The following USP28 variants were observed in gnomAD, a reference collection of about 807,000 sequenced individuals.
USP28 encodes ubiquitin carboxyl-terminal hydrolase 28.
Under a neutral mutation model 145.0 loss-of-function variants are expected in USP28, and 113 were observed. That is an observed-to-expected ratio of 0.78 (90% confidence interval 0.67 to 0.91). The LOEUF is 0.91. USP28 is among the 40% of genes least tolerant of loss of function. The probability of loss-of-function intolerance (pLI) is 0.00; values close to 1 mark genes in which losing one functional copy is unlikely to be tolerated. For synonymous variants in USP28, 447 were observed against 450.9 expected, an observed-to-expected ratio of 0.99 and a Z score of 0.11; for missense variants, 1,201 against 1,289.6, an observed-to-expected ratio of 0.93 and a Z score of 1.05.
At chr11:113,864,764 G>A (rs1164879073) in intron 1 of USP28, among the ~76,000 whole-genome samples, 2 of 152,110 alleles carry the variant, frequency 1.3e-5, no homozygotes, top group South Asian at 2.1e-4. Context: ...CCAGAATCAC[G>A]CTCACAGACA....
intron 3 of USP28, among the ~76,000 whole-genome samples, chr11:113,842,598 A>G (rs1276260552): frequency 6.6e-6 from 1 of 151,976 alleles, no homozygotes. Flanking sequence ...AAAAAAAAAA[A>G]AGACCAAGTT....
At chr11:113,808,172 A>C in intron 18 of USP28, 36 bp from the exon 19 acceptor site, 1 of 1,524,208 alleles carries the variant, frequency 6.6e-7, no homozygotes, top group South Asian at 1.3e-5. Flanking sequence ...AGTAAGAAAA[A>C]ACAGGAGAAA....
In USP28 at chr11:113,824,690, G is replaced by A. The variant is rs527613796; in HGVS notation, c.1188-990C>T. Among the ~76,000 whole-genome samples, 8 of 151,798 alleles carry A rather than the reference G, an allele frequency of 5.3e-5. No individual in the cohort carries two copies. The East Asian group carries it at 1.6e-3, about 30-fold the overall frequency. ...TCACGCCTGTAATCCCAACACTTTG[G>A]GAGGCCGAGGCAGGCGGATTACCTG... On this transcript the variant is annotated intron_variant, in intron 11 of 24. Coordinates refer to ENST00000003302, the Ensembl canonical transcript of USP28.
chr11:113,829,320 G>A (rs555430861), exon 10 of USP28: 2 of 1,614,082 alleles, frequency 1.2e-6, no homozygotes, highest in East Asian at 2.2e-5. Context: ...ACTGGCCGAA[G>A]GTCTCATTGT....
intron 10 of USP28, chr11:113,828,883 T>A (rs774689575): frequency 3.4e-5 from 18 of 533,018 alleles, no homozygotes; most frequent in Non-Finnish European, 5.8e-5. Flanking sequence ...TCCGAAAATA[T>A]GGAGGCAGTG....
At chr11:113,827,795 C>T (rs1161977221) in intron 10 of USP28, among the ~76,000 whole-genome samples, 3 of 152,170 alleles carry the variant, frequency 2.0e-5, no homozygotes, top group Non-Finnish European at 2.9e-5. Flanking sequence ...CATGTGCCAG[C>T]TAAAAAGACT....
rs534046580 is a variant in USP28, at chr11:113,815,061, G to T, written c.1672+113C>A. The T allele has an allele frequency of 1.4e-5, 13 of 940,378 alleles. No homozygotes were observed. In the East Asian group the frequency reaches 3.4e-4, roughly 25 times the overall value. The allele number at this position is 940,378 out of a possible 1,614,324, so 58.3% of individuals were successfully genotyped here. ...AGTGAGACTCCATCTCGGCGGGGGG[G>T]AAATTCTGTAGCATGTACAGTAATG... is the stretch of plus-strand genomic sequence containing the variant. On this transcript the variant is annotated intron_variant, in intron 14 of 24. Transcript: ENST00000003302.
chr11:113,807,748 T>C (rs1337068897), intron 18 of USP28, among the ~76,000 whole-genome samples: 1 of 152,186 alleles, frequency 6.6e-6, no homozygotes, highest in Non-Finnish European at 1.5e-5. Context: ...TGGGTAGATA[T>C]ACATATGCTG....
In USP28 at chr11:113,833,721, A is replaced by G. The variant is rs142456075; in HGVS notation, c.622-164T>C. ...TTACAGGGACTCTGGTAAGGACTGT[A>G]CTCTAAACTGAAGAATAACTATGTA... On this transcript the variant is annotated intron_variant, in intron 6 of 24. Transcript: ENST00000003302. 1.2e-3 allele frequency among the ~76,000 whole-genome samples: 177 copies of G among 152,292 alleles called. 1 individual carries two copies. The highest frequency in any genetic ancestry group is 4.0e-3 in the African/African-American group (167 of 41,566).
At chr11:113,873,962 G>A (rs1007380851) in intron 1 of USP28, among the ~76,000 whole-genome samples, 10 of 151,150 alleles carry the variant, frequency 6.6e-5, no homozygotes, top group African/African-American at 2.2e-4. Context: ...CCAACACAGT[G>A]AAATCCCATC....
At chr11:113,856,960 G>A (rs1947112509) in intron 1 of USP28, among the ~76,000 whole-genome samples, 1 of 152,132 alleles carries the variant, frequency 6.6e-6, no homozygotes, top group Admixed American at 6.5e-5. Context: ...TCACAAGTTT[G>A]ATTACTTAGT....
Position 113,830,857 on chromosome 11 carries a change from G to C in USP28, c.910+10C>G. On this transcript the variant is annotated intron_variant, in intron 9 of 24. Transcript: ENST00000003302. Reference sequence around the variant, plus strand: ...AGGTCTAGAATTAAAATTCAGAGCAGAGAATTTACCTTCACGAACCCCTTC... The same window carrying C: ...AGGTCTAGAATTAAAATTCAGAGCACAGAATTTACCTTCACGAACCCCTTC... 2 of 1,610,778 alleles carry C rather than the reference G, an allele frequency of 1.2e-6. No homozygotes were observed. Among genetic ancestry groups the C allele is most frequent in the Non-Finnish European group, 1.7e-6 (2 of 1,178,716 alleles).
intron 11 of USP28, among the ~76,000 whole-genome samples, chr11:113,826,929 A>AC (rs1423958578): frequency 4.0e-5 from 6 of 151,766 alleles, no homozygotes; most frequent in Non-Finnish European, 7.4e-5. Context: ...CAAAAAAAAA[A>AC]AAAAACAAAA....
At chr11:113,799,271 A>C (rs747706943) in exon 25 of USP28, 6 of 1,613,834 alleles carry the variant, frequency 3.7e-6, no homozygotes, top group Non-Finnish European at 5.1e-6. Flanking sequence ...AACTCCCTGA[A>C]TTGACTCCAT....
chr11:113,823,557 T>C, intron 12 of USP28, 48 bp downstream of exon 12: 3 of 1,330,530 alleles, frequency 2.3e-6, no homozygotes, highest in Non-Finnish European at 3.2e-6. Flanking sequence ...AATTATCTGT[T>C]TTTAATATTC....
intron 3 of USP28, among the ~76,000 whole-genome samples, chr11:113,844,650 A>C (rs1003878634): frequency 2.6e-5 from 4 of 152,222 alleles, no homozygotes; most frequent in African/African-American, 9.6e-5. Flanking sequence ...AATAAGCATA[A>C]GATGCTCAAC....
chr11:113,840,904 A>C (rs528705956), intron 4 of USP28, 147 bp from the exon 5 acceptor site: 2 of 1,024,892 alleles, frequency 2.0e-6, no homozygotes, highest in African/African-American at 3.2e-5. Context: ...AGGAACTGTA[A>C]GACTGTAATG....
In USP28 at chr11:113,806,563, G is replaced by A; in HGVS notation, c.2326C>T (p.Gln776Ter). 1 of 1,588,312 alleles carries A rather than the reference G, an allele frequency of 6.3e-7. No homozygotes were observed. The stretch of plus-strand genomic sequence containing the variant: ...TTAGCTATGGCCAGGATGACCCCTT[G>A]CATGGCAGGGCTCAGCATCACCTAC... The change falls in exon 19 of 25, where the codon CAA (glutamine) becomes TAA (stop). Residue 776 changes from glutamine to a stop codon, truncating the protein, a stop_gained. Coordinates refer to ENST00000003302, the Ensembl canonical transcript of USP28. LOFTEE classifies it high-confidence loss of function.
At chr11:113,867,021 C>T (rs148420957) in intron 1 of USP28, among the ~76,000 whole-genome samples, 9 of 152,188 alleles carry the variant, frequency 5.9e-5, no homozygotes, top group East Asian at 1.9e-4. Flanking sequence ...TTACAATAAA[C>T]GACAGATGCC....
Sources: allele counts gnomAD v4.1 joint callset (sites outside exome capture counted in the v4.1 genomes callset), GRCh38; gene constraint gnomAD v4.1.1; transcripts MANE v1.5; gene names NCBI Gene and HGNC (gene_info 2026-07-23, HGNC 2026-07-21).